Variants in XYLT1 observed in about 807,000 individuals in gnomAD.
XYLT1 encodes the protein xylosyltransferase 1, also known as beta-D-xylosyltransferase 1.
A neutral mutation model predicts 91.3 loss-of-function variants in XYLT1; 36 were observed. That is an observed-to-expected ratio of 0.39 (90% confidence interval 0.30 to 0.52). The LOEUF (loss-of-function observed/expected upper bound fraction) is 0.52, where lower values mean the gene tolerates loss of function less well. XYLT1 is among the 20% of genes least tolerant of loss of function. XYLT1 has a pLI of 0.68. For synonymous variants in XYLT1, 588 were observed against 532.0 expected (o/e 1.11, Z -1.45); for missense variants, 1,242 against 1,284.5 (o/e 0.97, Z 0.51).
At chr16:17,429,310 A>C (rs183947584) in intron 1 of XYLT1, among the ~76,000 whole-genome samples, 1 of 152,370 alleles carries the variant, frequency 6.6e-6, no homozygotes, top group Admixed American at 6.5e-5. Context: ...AGGTAAGAGA[A>C]AGACAGCCAA....
intron 2 of XYLT1, among the ~76,000 whole-genome samples, chr16:17,321,585 TGA>T (rs1479714256): frequency 6.6e-6 from 1 of 152,020 alleles, no homozygotes; most frequent in African/African-American, 2.4e-5. Context: ...CTCGAACTCC[TGA>T]CCTCAAGTGA....
intron 6 of XYLT1, among the ~76,000 whole-genome samples, chr16:17,149,724 G>A (rs892517826): frequency 3.3e-5 from 5 of 152,194 alleles, no homozygotes; most frequent in Non-Finnish European, 5.9e-5. Flanking sequence ...GCAGTGGCAA[G>A]ATTTTGAGTC....
chr16:17,126,137 T>C (rs1597136085), intron 10 of XYLT1, among the ~76,000 whole-genome samples: 1 of 152,216 alleles, frequency 6.6e-6, no homozygotes, highest in Non-Finnish European at 1.5e-5. Context: ...CTGCATCACA[T>C]GCTGTTATTT....
At chr16:17,229,312 C>T (rs1326773870) in intron 3 of XYLT1, among the ~76,000 whole-genome samples, 1 of 152,184 alleles carries the variant, frequency 6.6e-6, no homozygotes, top group Non-Finnish European at 1.5e-5. Flanking sequence ...GGCTGGTTTG[C>T]CTCCATCCTC....
intron 3 of XYLT1, among the ~76,000 whole-genome samples, chr16:17,238,945 T>C (rs1221914292): frequency 6.6e-6 from 1 of 152,202 alleles, no homozygotes; most frequent in African/African-American, 2.4e-5. Flanking sequence ...CTAGATGCAG[T>C]AATTTCTCCA....
chr16:17,276,736 G>C (rs1567352899), intron 2 of XYLT1, among the ~76,000 whole-genome samples: 1 of 152,162 alleles, frequency 6.6e-6, no homozygotes, highest in Non-Finnish European at 1.5e-5. Context: ...GTCCGATGAA[G>C]TTGTTATAAA....
chr16:17,257,007 G>A (rs1324518450), intron 3 of XYLT1, among the ~76,000 whole-genome samples: 2 of 152,146 alleles, frequency 1.3e-5, no homozygotes, highest in Non-Finnish European at 2.9e-5. Context: ...CAACCCCATC[G>A]GAGCCCCCAG....
chr16:17,327,354 C>CT (rs202024212), intron 2 of XYLT1, among the ~76,000 whole-genome samples: 9 of 134,662 alleles, frequency 6.7e-5, no homozygotes, highest in South Asian at 4.7e-4. Context: ...CTTTTCTTTT[C>CT]TTTTTTCTTT....
chr16:17,144,100 G>C (rs2031066653), intron 6 of XYLT1, among the ~76,000 whole-genome samples: 1 of 152,078 alleles, frequency 6.6e-6, no homozygotes, highest in Non-Finnish European at 1.5e-5. Context: ...TCAGCAACTT[G>C]CCATAGCACA....
At chr16:17,382,101 A>G (rs1370252691) in intron 1 of XYLT1, among the ~76,000 whole-genome samples, 1 of 151,802 alleles carries the variant, frequency 6.6e-6, no homozygotes, top group East Asian at 2.0e-4. Flanking sequence ...GTCATTGGAC[A>G]CCCACTATGT....
intron 1 of XYLT1, among the ~76,000 whole-genome samples, chr16:17,391,276 G>C (rs1279780032): frequency 6.6e-6 from 1 of 152,038 alleles, no homozygotes; most frequent in Non-Finnish European, 1.5e-5. Context: ...GACTATGATG[G>C]CTTGACCCAG....
chr16:17,376,632 G>C (rs1466539790), intron 1 of XYLT1, among the ~76,000 whole-genome samples: 1 of 152,056 alleles, frequency 6.6e-6, no homozygotes, highest in Non-Finnish European at 1.5e-5. Flanking sequence ...TTCAAGACCG[G>C]CCTGACCAAG....
Position 17,222,873 on chromosome 16 carries a change from C to T in XYLT1, c.914-22219G>A, listed in dbSNP as rs572601700. Among the ~76,000 whole-genome samples, 12 of 151,636 alleles carry T rather than the reference C, an allele frequency of 7.9e-5. No homozygotes were observed. The East Asian group carries it at 2.3e-3, about 29-fold the overall frequency. ...CAGTATTTCAGTATTTTCAGGGGCC[C>T]TCTGGCAACTGTGACGGCCGCTCTT... On this transcript the variant is annotated intron_variant, in intron 3 of 11. Coordinates refer to ENST00000261381, the MANE Select transcript of XYLT1 (RefSeq NM_022166.4).
intron 2 of XYLT1, among the ~76,000 whole-genome samples, chr16:17,264,943 C>T (rs1270404444): frequency 2.0e-5 from 3 of 152,162 alleles, no homozygotes; most frequent in Non-Finnish European, 4.4e-5. Flanking sequence ...AATCCCAGCA[C>T]TTTGGGAGGC....
intron 2 of XYLT1, among the ~76,000 whole-genome samples, chr16:17,303,839 C>T (rs190582527): frequency 0.013 from 2,022 of 152,086 alleles, 64 homozygotes; most frequent in Admixed American, 0.078. Context: ...GATTTTTTTT[C>T]CCATCATTTT....
intron 2 of XYLT1, among the ~76,000 whole-genome samples, chr16:17,322,251 G>A (rs1365190779): frequency 6.6e-6 from 1 of 152,130 alleles, no homozygotes; most frequent in Non-Finnish European, 1.5e-5. Context: ...AAACTTCAAA[G>A]AGAAGGCTAC....
At chr16:17,459,529 C>T (rs2036787753) in intron 1 of XYLT1, among the ~76,000 whole-genome samples, 1 of 152,120 alleles carries the variant, frequency 6.6e-6, no homozygotes, top group South Asian at 2.1e-4. Flanking sequence ...ATTCCTGGGG[C>T]TCGTTTAGGA....
chr16:17,198,273 C>T lies in XYLT1; in HGVS notation c.1228G>A (p.Glu410Lys), dbSNP rs767420692. 8 of 1,614,078 alleles carry T rather than the reference C, an allele frequency of 5.0e-6. No homozygotes were observed. The highest frequency in any genetic ancestry group is 6.8e-6 in the Non-Finnish European group (8 of 1,180,042). The change falls in exon 5 of 12, where the codon GAG (glutamate) becomes AAG (lysine). Residue 410 changes from glutamate to lysine, a missense_variant. Glu to Lys is a moderately conservative substitution (Grantham distance 56). Transcript: ENST00000261381. ...TYLQSMRDLL[E>K]MTDWPWDFFI... ...AAGTCCCAGGGCCAGTCGGTCATCT[C>T]CAGGAGGTCCCGCATGCTCTGCAGG...
At chr16:17,274,020 T>C (rs1356391817) in intron 2 of XYLT1, among the ~76,000 whole-genome samples, 1 of 151,524 alleles carries the variant, frequency 6.6e-6, no homozygotes, top group Non-Finnish European at 1.5e-5. Context: ...CAAGTGATTC[T>C]CCTGCCTCAG....
Sources: gnomAD v4.1 joint callset for allele counts (sites outside exome capture counted in the v4.1 genomes callset) on GRCh38, gnomAD v4.1.1 for gene constraint, MANE v1.5 for transcripts, NCBI Gene and HGNC (gene_info 2026-07-23, HGNC 2026-07-21) for gene names.